The following MON2 variants were observed in gnomAD, a reference collection of about 807,000 sequenced individuals.
MON2 encodes MON2 regulator of endosome-to-Golgi trafficking.
Under a neutral mutation model 208.6 loss-of-function variants are expected in MON2, and 84 were observed. The observed-to-expected ratio is 0.40, with a 90% CI of 0.34 to 0.48. MON2 has a LOEUF of 0.48. MON2 is among the 20% of genes least tolerant of loss of function. The pLI is 0.59. For missense variants in MON2, 1,611 were observed against 2,015.4 expected (o/e 0.80, Z 3.84); for synonymous variants, 660 against 694.0 (o/e 0.95, Z 0.77).
At chr12:62,566,983 C>T (rs1305606523) in intron 29 of MON2, among the ~76,000 whole-genome samples, 1 of 152,186 alleles carries the variant, frequency 6.6e-6, no homozygotes, top group Non-Finnish European at 1.5e-5. Flanking sequence ...GATGAGCATT[C>T]AGAGAGAAAT....
rs975613307 is a variant in MON2 at position 62,484,342 on chromosome 12, C to A, written c.175+109C>A. The stretch of plus-strand genomic sequence containing the variant: ...TTTTCTGTAACATCTCTTCCTCATG[C>A]CCTAACATATGCTATTCATAATGAA... On this transcript the variant is annotated intron_variant, in intron 2 of 34. Coordinates refer to ENST00000393630, the MANE Select transcript of MON2 (RefSeq NM_015026.3). 40 of 678,866 alleles carry A rather than the reference C, an allele frequency of 5.9e-5. No individual in the cohort carries two copies. The African/African-American group carries it at 6.9e-4, about 12-fold the overall frequency. 42.1% of individuals were successfully genotyped at this position (678,866 alleles called of 1,614,324 possible).
intron 28 of MON2, 39 bp downstream of exon 28, chr12:62,566,070 A>C (rs781200268): frequency 6.3e-7 from 1 of 1,585,716 alleles, no homozygotes; most frequent in Non-Finnish European, 8.6e-7. Context: ...ACCTCTTGGC[A>C]ACAAATAAAG....
In MON2 at chr12:62,580,291, T is replaced by C. The variant is rs1232377190; in HGVS notation, c.4576-6T>C. ...AATACATTTGCATTTGCCTCTTTTGTTTTAGGTAGTTCAACTTATCAGCAA... is the reference window on the plus strand; with the variant it reads ...AATACATTTGCATTTGCCTCTTTTGCTTTAGGTAGTTCAACTTATCAGCAA... On this transcript the variant is annotated splice_polypyrimidine_tract_variant and splice_region_variant and intron_variant, in intron 31 of 34. Transcript: ENST00000393630. The C allele has an allele frequency of 6.2e-7, 1 of 1,608,004 alleles. No homozygotes were observed. The highest frequency in any genetic ancestry group is 8.5e-7 in the Non-Finnish European group (1 of 1,176,962).
rs1192978542 is a variant in MON2, at chr12:62,571,492, C to A, written c.4424C>A (p.Pro1475His). The part of the protein sequence containing the change: ...SLLRVLSIGL[P>H]VARQHASSGK... Reference sequence around the variant, plus strand: ...CTCAGAGTTCTTTCTATTGGGCTACCTGTTGCCCGGCAGCATGCTTCTTCT... The same window carrying A: ...CTCAGAGTTCTTTCTATTGGGCTACATGTTGCCCGGCAGCATGCTTCTTCT... Residue 1475 changes from proline to histidine, a missense_variant, in exon 30 of 35, where the codon CCT (proline) becomes CAT (histidine). By Grantham distance (77) the Pro-to-His change is moderately conservative (BLOSUM62 -2). Transcript: ENST00000393630. 6.2e-7 allele frequency: 1 copy of A among 1,613,804 alleles called. No homozygotes were observed. The highest frequency in any genetic ancestry group is 1.7e-5 in the Admixed American group (1 of 60,006).
At chr12:62,523,379 A>G (rs1312537623) in intron 8 of MON2, among the ~76,000 whole-genome samples, 1 of 152,176 alleles carries the variant, frequency 6.6e-6, no homozygotes, top group Non-Finnish European at 1.5e-5. Context: ...GTCCTTACGC[A>G]CAAGGTTGCT....
In MON2 at chr12:62,479,431, TCCCCC is replaced by T. The variant is rs71083999; in HGVS notation, c.112-4729_112-4725del. Among the ~76,000 whole-genome samples, 8 of 117,204 alleles carry T rather than the reference TCCCCC, an allele frequency of 6.8e-5. 1 individual carries two copies. Among genetic ancestry groups the T allele is most frequent in the African/African-American group, 2.5e-4 (8 of 31,698 alleles). The allele number at this position is 117,204 out of a possible 152,430, so 76.9% of individuals were successfully genotyped here. A position where few individuals can be genotyped will look rare whatever the true frequency, so the allele number is the denominator to read the frequency against. On this transcript the variant is annotated intron_variant, in intron 1 of 34. Coordinates refer to ENST00000393630, the MANE Select transcript of MON2 (RefSeq NM_015026.3). The stretch of plus-strand genomic sequence containing the variant: ...TAAAATGTGTGTGTGTGTGTGTATA[TCCCCC>T]CCCCCCCCCAAATATTTTTGATCTG...
rs534993514 is a variant in MON2 at position 62,484,290 on chromosome 12, T to G, written c.175+57T>G. On this transcript the variant is annotated intron_variant, in intron 2 of 34. Transcript: ENST00000393630. The stretch of plus-strand genomic sequence containing the variant: ...ACAAAAATTTGACTAATAGTAAAAG[T>G]AGAATCTTTATTGTAAAAGCCATCA... The G allele has an allele frequency of 1.9e-5, 21 of 1,098,246 alleles. No individual in the cohort carries two copies. The African/African-American group carries it at 3.3e-4, about 17-fold the overall frequency. 68.0% of individuals were successfully genotyped at this position (1,098,246 alleles called of 1,614,324 possible).
At chr12:62,539,054 CT>C (rs1213080632) in intron 19 of MON2, among the ~76,000 whole-genome samples, 6 of 152,038 alleles carry the variant, frequency 3.9e-5, no homozygotes, top group Non-Finnish European at 8.8e-5. Flanking sequence ...AAAAATATCA[CT>C]TTCTGTTATA....
chr12:62,562,395 C>T (rs935321560), intron 26 of MON2, among the ~76,000 whole-genome samples: 2 of 151,684 alleles, frequency 1.3e-5, no homozygotes, highest in Admixed American at 6.6e-5. Context: ...ATCCCAACTA[C>T]TAGTAATTTG....
chr12:62,501,570 C>T lies in MON2; in HGVS notation c.664-3C>T, dbSNP rs377314293. The T allele has an allele frequency of 6.2e-6, 10 of 1,612,764 alleles. No individual in the cohort carries two copies. The highest frequency in any genetic ancestry group is 2.2e-5 in the South Asian group (2 of 90,874). On this transcript the variant is annotated splice_polypyrimidine_tract_variant and splice_region_variant and intron_variant, in intron 6 of 34. Coordinates refer to ENST00000393630, the MANE Select transcript of MON2 (RefSeq NM_015026.3). ...TGTGAAATTGTTCGATTTATTTTCC[C>T]AGGATCTTTGTCAGTTGGTTAATGC...
chr12:62,572,377 TCTGTAATAG>T (rs1160267258), intron 30 of MON2, among the ~76,000 whole-genome samples: 5 of 152,198 alleles, frequency 3.3e-5, no homozygotes, highest in Non-Finnish European at 7.3e-5. Context: ...TGTGGACTTG[TCTGTAATAG>T]CTGTAATAGC....
rs573249597 is a variant in MON2 at position 62,591,397 on chromosome 12, T to C, written c.4991-1189T>C. On this transcript the variant is annotated intron_variant, in intron 34 of 34. Coordinates refer to ENST00000393630, the MANE Select transcript of MON2 (RefSeq NM_015026.3). ...GGGGAAAAAGGTTAAATTAACAGTA[T>C]AGCATTTTTCCAAGATATGTACTAA... 3.3e-4 allele frequency among the ~76,000 whole-genome samples: 50 copies of C among 152,300 alleles called. No homozygotes were observed. The South Asian group carries it at 9.1e-3, about 28-fold the overall frequency.
intron 11 of MON2, among the ~76,000 whole-genome samples, 166 bp downstream of exon 11, chr12:62,526,268 T>G (rs969134730): frequency 1.3e-5 from 2 of 152,184 alleles, no homozygotes; most frequent in African/African-American, 2.4e-5. Context: ...GGACTGGATT[T>G]TATTTGTTTT....
At position 62,500,777 on chromosome 12, in the gene MON2, T is replaced by C; in HGVS notation, c.566-6T>C. 2.0e-6 allele frequency: 3 copies of C among 1,502,342 alleles called. No individual in the cohort carries two copies. The highest frequency in any genetic ancestry group is 1.2e-5 in the South Asian group (1 of 81,866). The allele number at this position is 1,502,342 out of a possible 1,614,324, so 93.1% of individuals were successfully genotyped here. On this transcript the variant is annotated splice_region_variant and splice_polypyrimidine_tract_variant and intron_variant, in intron 5 of 34. Coordinates refer to ENST00000393630, the MANE Select transcript of MON2 (RefSeq NM_015026.3). The stretch of plus-strand genomic sequence containing the variant: ...ACTCCTAAAACCCATCCTGTTTTGA[T>C]TGCAGATATTATAGAACAACCAGTA...
At chr12:62,477,402 C>G (rs2069147811) in intron 1 of MON2, among the ~76,000 whole-genome samples, 2 of 151,900 alleles carry the variant, frequency 1.3e-5, no homozygotes, top group South Asian at 4.2e-4. Flanking sequence ...CTCTAGGGTA[C>G]CATGATTAAC....
chr12:62,548,830 C>G (rs552306364), intron 22 of MON2, among the ~76,000 whole-genome samples: 1 of 152,208 alleles, frequency 6.6e-6, no homozygotes, highest in Non-Finnish European at 1.5e-5. Context: ...AAACTAAATA[C>G]TTCTTATTAT....
rs372009840 is a variant in MON2, at chr12:62,552,860, T to C, written c.2917-21T>C. Reference sequence around the variant, plus strand: ...AAACAAAACCTTGGATGAACTAATATTTTTCTACTTTGCTTTTTAGTGGAA... The same window carrying C: ...AAACAAAACCTTGGATGAACTAATACTTTTCTACTTTGCTTTTTAGTGGAA... On this transcript the variant is annotated intron_variant, in intron 23 of 34. Coordinates refer to ENST00000393630, the MANE Select transcript of MON2 (RefSeq NM_015026.3). 10 of 1,592,078 alleles carry C rather than the reference T, an allele frequency of 6.3e-6. No individual in the cohort carries two copies. In the African/African-American group the frequency reaches 1.1e-4, roughly 17 times the overall value.
chr12:62,494,819 T>C (rs1370175745), intron 3 of MON2, among the ~76,000 whole-genome samples, 197 bp from the exon 4 acceptor site: 1 of 152,202 alleles, frequency 6.6e-6, no homozygotes, highest in Non-Finnish European at 1.5e-5. Context: ...TATTACAATT[T>C]TTGAGGGAGA....
intron 19 of MON2, among the ~76,000 whole-genome samples, chr12:62,540,892 A>G (rs983303061): frequency 5.3e-5 from 8 of 152,238 alleles, no homozygotes; most frequent in Non-Finnish European, 1.0e-4. Context: ...TGCAGATATT[A>G]AAATTAGTGG....
Sources: gnomAD v4.1 joint callset for allele counts (sites outside exome capture counted in the v4.1 genomes callset) on GRCh38, gnomAD v4.1.1 for gene constraint, MANE v1.5 for transcripts, NCBI Gene and HGNC (gene_info 2026-07-23, HGNC 2026-07-21) for gene names.